The following STAB2 variants were observed in gnomAD, a reference collection of about 807,000 sequenced individuals.
The protein encoded by STAB2 is stabilin 2, also known as stabilin-2.
STAB2 carries 288 observed loss-of-function variants against 338.1 expected under a neutral mutation model. That is an observed-to-expected ratio of 0.85 (90% CI 0.77 to 0.94). STAB2 has a LOEUF of 0.94. Ranked by LOEUF, STAB2 falls within the 40% of genes least tolerant of loss-of-function variation. The probability of loss-of-function intolerance (pLI) is 0.00; values close to 1 mark genes in which losing one functional copy is unlikely to be tolerated. For missense variants in STAB2, 3,141 were observed against 3,210.1 expected, an observed-to-expected ratio of 0.98 and a Z score of 0.52; for synonymous variants, 1,202 against 1,193.3, an observed-to-expected ratio of 1.01 and a Z score of -0.15.
intron 68 of STAB2, 113 bp from the exon 69 acceptor site, chr12:103,766,173 C>T (rs778863265): frequency 8.7e-5 from 120 of 1,371,950 alleles, no homozygotes; most frequent in Middle Eastern, 5.4e-4. Flanking sequence ...CCAGCACATA[C>T]GTGTTCACAG....
intron 2 of STAB2, among the ~76,000 whole-genome samples, chr12:103,591,392 C>T (rs576113280): frequency 6.6e-6 from 1 of 151,940 alleles, no homozygotes; most frequent in Non-Finnish European, 1.5e-5. Flanking sequence ...GCTTGAGGCA[C>T]GAGAATCGCT....
At chr12:103,594,877 T>C (rs1367218569) in intron 3 of STAB2, among the ~76,000 whole-genome samples, 1 of 152,226 alleles carries the variant, frequency 6.6e-6, no homozygotes. Context: ...TCAAAGACTG[T>C]AGTTATTGTT....
chr12:103,676,822 A>G (rs1876419126), intron 24 of STAB2, among the ~76,000 whole-genome samples: 1 of 152,178 alleles, frequency 6.6e-6, no homozygotes, highest in African/African-American at 2.4e-5. Context: ...CTTGAAGTGA[A>G]TCAGATCATG....
chr12:103,622,606 C>T (rs766810523), intron 5 of STAB2, among the ~76,000 whole-genome samples: 12 of 152,184 alleles, frequency 7.9e-5, no homozygotes, highest in Non-Finnish European at 1.2e-4. Context: ...GTACAGAGTC[C>T]TTATCAAGTC....
intron 52 of STAB2, 131 bp downstream of exon 52, chr12:103,735,711 A>G (rs923060997): frequency 4.1e-6 from 3 of 729,202 alleles, no homozygotes; most frequent in Non-Finnish European, 6.4e-6. Flanking sequence ...TTTTTTTCTC[A>G]CTACCTTCAG....
intron 66 of STAB2, 137 bp from the exon 67 acceptor site, chr12:103,762,137 T>C: frequency 1.7e-6 from 2 of 1,189,308 alleles, no homozygotes; most frequent in Non-Finnish European, 2.4e-6. Context: ...ACCCTGGCAG[T>C]AATAAGGGCC....
rs114643174 is a variant in STAB2 at position 103,698,003 on chromosome 12, A to G, written c.3583-1093A>G. 2.8e-3 allele frequency among the ~76,000 whole-genome samples: 419 copies of G among 152,268 alleles called. 1 individual carries two copies. Among genetic ancestry groups the G allele is most frequent in the African/African-American group, 9.7e-3 (401 of 41,544 alleles). ...GTGTCTTATGAGCGGAGAGGGCAGG[A>G]TTAAGCTGGCTCTGCGAGTGACGGG... is the stretch of plus-strand genomic sequence containing the variant. On this transcript the variant is annotated intron_variant, in intron 33 of 68. Coordinates refer to ENST00000388887, the MANE Select transcript of STAB2 (RefSeq NM_017564.10).
intron 39 of STAB2, 112 bp from the exon 40 acceptor site, chr12:103,711,359 C>A: frequency 7.1e-7 from 1 of 1,404,196 alleles, no homozygotes; most frequent in South Asian, 1.3e-5. Context: ...TTATATCGCT[C>A]ACATGATACA....
intron 6 of STAB2, among the ~76,000 whole-genome samples, chr12:103,635,415 C>T (rs1427720502): frequency 6.6e-6 from 1 of 152,166 alleles, no homozygotes; most frequent in Non-Finnish European, 1.5e-5. Flanking sequence ...ACCAGGCTCC[C>T]GAAAAACAGC....
chr12:103,683,555 T>C (rs924420570), intron 26 of STAB2, among the ~76,000 whole-genome samples: 1 of 152,330 alleles, frequency 6.6e-6, no homozygotes, highest in Middle Eastern at 3.4e-3. Flanking sequence ...AAACAATCTT[T>C]AAGCACAAGT....
chr12:103,745,852 T>C (rs977020988), intron 57 of STAB2, among the ~76,000 whole-genome samples: 1 of 152,234 alleles, frequency 6.6e-6, no homozygotes, highest in Non-Finnish European at 1.5e-5. Flanking sequence ...ATTATCACAC[T>C]CATCATTTAT....
intron 52 of STAB2, among the ~76,000 whole-genome samples, chr12:103,736,725 C>G (rs1378639271): frequency 6.6e-6 from 1 of 152,060 alleles, no homozygotes; most frequent in Non-Finnish European, 1.5e-5. Context: ...GGTTCAGTGA[C>G]TTGCCCATAG....
intron 44 of STAB2, 125 bp downstream of exon 44, chr12:103,717,966 A>C (rs1448027662): frequency 1.1e-6 from 1 of 911,128 alleles, no homozygotes; most frequent in Non-Finnish European, 1.7e-6. Context: ...TGTGTTGACC[A>C]TGAGGCTTGT....
intron 56 of STAB2, among the ~76,000 whole-genome samples, chr12:103,743,027 T>TTC (rs1882713839): frequency 6.7e-6 from 1 of 149,998 alleles, no homozygotes; most frequent in African/African-American, 2.4e-5. Context: ...TTTTTTCTTT[T>TTC]TTTTTTTTTT....
In STAB2 at chr12:103,599,344, C is replaced by T. The variant is rs148751161; in HGVS notation, c.331+4834C>T. 1.4e-3 allele frequency among the ~76,000 whole-genome samples: 212 copies of T among 152,292 alleles called. 1 individual carries two copies. The highest frequency in any genetic ancestry group is 0.01 in the Middle Eastern group (3 of 294). ...GGAAAGTCAGGATGCCCAAAGCCCA[C>T]CCCTGGAATTCTTGCTTCCACCATT... is the stretch of plus-strand genomic sequence containing the variant. On this transcript the variant is annotated intron_variant, in intron 3 of 68. Transcript: ENST00000388887.
At chr12:103,709,234 C>G (rs1879630534) in intron 39 of STAB2, among the ~76,000 whole-genome samples, 1 of 152,068 alleles carries the variant, frequency 6.6e-6, no homozygotes, top group Non-Finnish European at 1.5e-5. Flanking sequence ...CCTGGAATAC[C>G]ACAACGACAT....
At chr12:103,620,361 T>C (rs757737455) in intron 3 of STAB2, 107 bp from the exon 4 acceptor site, 13 of 1,050,276 alleles carry the variant, frequency 1.2e-5, no homozygotes, top group Non-Finnish European at 1.8e-5. Context: ...TCTGCAATTA[T>C]TTCTTATCCC....
At chr12:103,679,727 C>T (rs747940264) in intron 25 of STAB2, among the ~76,000 whole-genome samples, 1 of 152,034 alleles carries the variant, frequency 6.6e-6, no homozygotes, top group African/African-American at 2.4e-5. Flanking sequence ...GCAATTCCCC[C>T]AAAAAATTAA....
At chr12:103,668,581 T>C (rs1278153788) in intron 19 of STAB2, 62 bp from the exon 20 acceptor site, 6 of 1,408,312 alleles carry the variant, frequency 4.3e-6, no homozygotes, top group Non-Finnish European at 5.9e-6. Flanking sequence ...GCAGAGGGTG[T>C]GCAGTGCCTG....
Sources: gnomAD v4.1 joint callset for allele counts (sites outside exome capture counted in the v4.1 genomes callset) on GRCh38, gnomAD v4.1.1 for gene constraint, MANE v1.5 for transcripts, NCBI Gene and HGNC (gene_info 2026-07-23, HGNC 2026-07-21) for gene names.